Variants in HSF2BP observed in about 807,000 individuals in gnomAD.
The protein encoded by HSF2BP is heat shock transcription factor 2 binding protein.
A neutral mutation model predicts 35.0 loss-of-function variants in HSF2BP; 35 were observed. The observed-to-expected ratio is 1.00, with a 90% CI of 0.76 to 1.32. The LOEUF (loss-of-function observed/expected upper bound fraction) is 1.32, where lower values mean the gene tolerates loss of function less well. Ranked by LOEUF, HSF2BP falls within the 40% of genes most tolerant of loss-of-function variation. The pLI is 0.00. For synonymous variants in HSF2BP, 114 were observed against 117.4 expected (o/e 0.97, Z 0.18); for missense variants, 326 against 321.7 (o/e 1.01, Z -0.10).
intron 3 of HSF2BP, among the ~76,000 whole-genome samples, chr21:43,653,799 G>A (rs2082829199): frequency 1.3e-5 from 2 of 152,192 alleles, no homozygotes; most frequent in Admixed American, 6.5e-5. Flanking sequence ...CACAGCAGTG[G>A]AGACAGACGC....
At chr21:43,624,671 T>G (rs1455157002) in intron 6 of HSF2BP, among the ~76,000 whole-genome samples, 1 of 152,202 alleles carries the variant, frequency 6.6e-6, no homozygotes, top group Non-Finnish European at 1.5e-5. Context: ...CATCAAAAAG[T>G]AATTTTGATG....
At chr21:43,654,782 G>A (rs1044471804) in intron 3 of HSF2BP, among the ~76,000 whole-genome samples, 13 of 152,212 alleles carry the variant, frequency 8.5e-5, no homozygotes, top group African/African-American at 1.7e-4. Flanking sequence ...GCATCAAGAC[G>A]GTAACTGAAG....
intron 6 of HSF2BP, among the ~76,000 whole-genome samples, chr21:43,627,239 C>A (rs2082401653): frequency 6.6e-6 from 1 of 152,120 alleles, no homozygotes; most frequent in Non-Finnish European, 1.5e-5. Context: ...GGAATTTTAT[C>A]ATAACTCTCA....
intron 7 of HSF2BP, among the ~76,000 whole-genome samples, chr21:43,600,536 C>A (rs923071119): frequency 1.2e-4 from 18 of 152,156 alleles, no homozygotes; most frequent in African/African-American, 4.1e-4. Flanking sequence ...TTGACAGAAA[C>A]TTAAGAGGCC....
intron 8 of HSF2BP, among the ~76,000 whole-genome samples, chr21:43,576,538 C>CTACACAACTATAT (rs2081646655): frequency 1.3e-5 from 2 of 152,208 alleles, no homozygotes; most frequent in African/African-American, 4.8e-5. Context: ...ACAAAGGCGC[C>CTACACAACTATAT]AGTCATGTAC....
chr21:43,646,607 T>G (rs758621328), intron 3 of HSF2BP, among the ~76,000 whole-genome samples: 2 of 152,218 alleles, frequency 1.3e-5, no homozygotes, highest in African/African-American at 4.8e-5. Flanking sequence ...GGAATTAACT[T>G]TGACCACCCA....
At chr21:43,635,507 A>T (rs1449915758) in intron 4 of HSF2BP, among the ~76,000 whole-genome samples, 1 of 152,238 alleles carries the variant, frequency 6.6e-6, no homozygotes, top group African/African-American at 2.4e-5. Context: ...TGAAACACTG[A>T]CATGTCAACT....
chr21:43,495,733 T>A, the HSF2BP span, among the ~76,000 whole-genome samples: 1 of 115,970 alleles, frequency 8.6e-6, no homozygotes, highest in East Asian at 2.3e-4. Flanking sequence ...CTCTCTGAAA[T>A]GATTTTTTGA....
intron 8 of HSF2BP, among the ~76,000 whole-genome samples, chr21:43,590,014 A>G (rs772635946): frequency 6.6e-6 from 1 of 152,248 alleles, no homozygotes; most frequent in African/African-American, 2.4e-5. Flanking sequence ...CTTCGAAGAA[A>G]AAGAATTATA....
rs2082002268 is a variant in HSF2BP at position 43,597,593 on chromosome 21, T to A, written c.693-5265A>T. On this transcript the variant is annotated intron_variant, in intron 7 of 8. Coordinates refer to ENST00000291560, the MANE Select transcript of HSF2BP (RefSeq NM_007031.2). The surrounding 1 kb of genome is among the most constrained non-coding windows in gnomAD (Gnocchi z 4.3). ...TGGAATGCAGTGGCACAGTCATTAT[T>A]CACTGCCACCTAGAATTCCTGGGCT... 6.6e-6 allele frequency among the ~76,000 whole-genome samples: 1 copy of A among 152,254 alleles called. No homozygotes were observed. Among genetic ancestry groups the A allele is most frequent in the African/African-American group, 2.4e-5 (1 of 41,472 alleles).
chr21:43,590,199 TAAAC>T (rs2081908810), intron 8 of HSF2BP, among the ~76,000 whole-genome samples: 1 of 152,052 alleles, frequency 6.6e-6, no homozygotes, highest in Non-Finnish European at 1.5e-5. Flanking sequence ...TTTTTTAAAA[TAAAC>T]AAAACATACA....
intron 4 of HSF2BP, among the ~76,000 whole-genome samples, chr21:43,638,355 G>A (rs1457073320): frequency 2.0e-5 from 3 of 152,142 alleles, no homozygotes; most frequent in Non-Finnish European, 4.4e-5. Flanking sequence ...CTACTCGTGA[G>A]GCTGAGGCAG....
intron 7 of HSF2BP, among the ~76,000 whole-genome samples, chr21:43,599,605 C>A (rs1056532214): frequency 4.6e-5 from 7 of 151,986 alleles, no homozygotes; most frequent in Admixed American, 3.3e-4. Flanking sequence ...ACCAGCCTGG[C>A]CAACATGGTG....
intron 7 of HSF2BP, among the ~76,000 whole-genome samples, chr21:43,605,095 C>A (rs1433568376): frequency 1.3e-5 from 2 of 148,620 alleles, no homozygotes. Context: ...ACACAACACA[C>A]ATACATCACA....
intron 7 of HSF2BP, among the ~76,000 whole-genome samples, chr21:43,613,603 T>C (rs926725797): frequency 2.6e-5 from 4 of 152,188 alleles, no homozygotes; most frequent in Admixed American, 2.6e-4. Flanking sequence ...CATGTGATAA[T>C]ACTGGGACTC....
In HSF2BP at chr21:43,626,943, C is replaced by T. The variant is rs143911105; in HGVS notation, c.574+3379G>A. Among the ~76,000 whole-genome samples, 916 of 151,776 alleles carry T rather than the reference C, an allele frequency of 6.0e-3. 10 individuals carry two copies. Among genetic ancestry groups the T allele is most frequent in the African/African-American group, 0.019 (793 of 41,344 alleles). On this transcript the variant is annotated intron_variant, in intron 6 of 8. Coordinates refer to ENST00000291560, the MANE Select transcript of HSF2BP (RefSeq NM_007031.2). ...AGTGTAGTGGCACGATCTCAGCTCA[C>T]TACAACCTCCACCTCCCAGGTTCAA...
chr21:43,621,835 A>C (rs1467841155), intron 6 of HSF2BP, among the ~76,000 whole-genome samples: 1 of 152,046 alleles, frequency 6.6e-6, no homozygotes, highest in East Asian at 1.9e-4. Context: ...ATAATATATA[A>C]AATAAATATA....
At chr21:43,579,704 C>G (rs1315795996) in intron 8 of HSF2BP, among the ~76,000 whole-genome samples, 1 of 152,186 alleles carries the variant, frequency 6.6e-6, no homozygotes, top group African/African-American at 2.4e-5. Flanking sequence ...TCTATGGGAA[C>G]CTTTTCAGAG....
chr21:43,640,711 C>T (rs993644970), intron 4 of HSF2BP, among the ~76,000 whole-genome samples: 1 of 151,904 alleles, frequency 6.6e-6, no homozygotes, highest in Non-Finnish European at 1.5e-5. Flanking sequence ...AGATAACTTC[C>T]CTGGACTTTT....
Sources: allele counts gnomAD v4.1 joint callset (sites outside exome capture counted in the v4.1 genomes callset), GRCh38; gene constraint gnomAD v4.1.1; non-coding constraint Gnocchi (gnomAD v3.1); transcripts MANE v1.5; gene names NCBI Gene and HGNC (gene_info 2026-07-23, HGNC 2026-07-21).